Variants in DNAJC13 observed in about 807,000 individuals in gnomAD.
The protein encoded by DNAJC13 is dnaJ homolog subfamily C member 13.
A neutral mutation model predicts 290.5 loss-of-function variants in DNAJC13; 75 were observed. The observed-to-expected ratio is 0.26, with a 90% CI of 0.21 to 0.31. The LOEUF is 0.31. Among genes scored for constraint, DNAJC13 ranks in the 10% least tolerant of loss-of-function variants. DNAJC13 has a pLI of 1.00. For synonymous variants in DNAJC13, 862 were observed against 892.0 expected (o/e 0.97, Z 0.60); for missense variants, 2,260 against 2,674.5 (o/e 0.85, Z 3.42).
intron 27 of DNAJC13, among the ~76,000 whole-genome samples, chr3:132,482,870 A>G: frequency 6.7e-6 from 1 of 148,188 alleles, no homozygotes; most frequent in Non-Finnish European, 1.5e-5. Context: ...CCAAAAAAGA[A>G]AAAAAAAAAG....
chr3:132,453,085 G>A (rs531062067), intron 6 of DNAJC13, among the ~76,000 whole-genome samples: 7 of 152,132 alleles, frequency 4.6e-5, no homozygotes, highest in Admixed American at 6.5e-5. Context: ...GATAATTGCC[G>A]TTCAGTGAGT....
At chr3:132,504,928 G>A (rs1210274308) in intron 41 of DNAJC13, among the ~76,000 whole-genome samples, 1 of 152,080 alleles carries the variant, frequency 6.6e-6, no homozygotes, top group Non-Finnish European at 1.5e-5. Context: ...GTACATAAAG[G>A]TATTATGTTG....
chr3:132,466,223 A>G (rs762027469), intron 18 of DNAJC13, 76 bp from the exon 19 acceptor site: 52 of 1,480,390 alleles, frequency 3.5e-5, no homozygotes, highest in Non-Finnish European at 4.7e-5. Flanking sequence ...GCTAAGCCAC[A>G]GTATTAATTT....
At chr3:132,444,963 G>A (rs1206527722) in intron 2 of DNAJC13, among the ~76,000 whole-genome samples, 3 of 152,132 alleles carry the variant, frequency 2.0e-5, no homozygotes, top group Non-Finnish European at 4.4e-5. Flanking sequence ...ATATGGATAT[G>A]TGGTAAAGAT....
intron 36 of DNAJC13, among the ~76,000 whole-genome samples, chr3:132,497,427 A>G (rs909350394): frequency 3.9e-5 from 6 of 152,220 alleles, no homozygotes; most frequent in African/African-American, 1.4e-4. Context: ...GAGAGAAGGA[A>G]GAGGACTTTC....
chr3:132,535,202 A>C (rs1203075200), intron 55 of DNAJC13, among the ~76,000 whole-genome samples: 4 of 152,248 alleles, frequency 2.6e-5, no homozygotes, highest in Non-Finnish European at 4.4e-5. Context: ...AAGTAAGATA[A>C]AAATGACCAA....
chr3:132,504,981 C>T lies in DNAJC13; in HGVS notation c.4885-321C>T, dbSNP rs535531372. 2.6e-4 allele frequency among the ~76,000 whole-genome samples: 40 copies of T among 152,280 alleles called. No individual in the cohort carries two copies. In the South Asian group the frequency reaches 7.2e-3, roughly 28 times the overall value. ...ATAGTCACAGTGTGTTTATTAAGTA[C>T]TTTCAAAATATTGAATTTCACCATG... On this transcript the variant is annotated intron_variant, in intron 41 of 55. Transcript: ENST00000260818.
In DNAJC13 at chr3:132,482,274, G is replaced by A; in HGVS notation, c.2923G>A (p.Glu975Lys). 6.2e-7 allele frequency: 1 copy of A among 1,613,818 alleles called. No homozygotes were observed. Among genetic ancestry groups the A allele is most frequent in the Non-Finnish European group, 8.5e-7 (1 of 1,179,830 alleles). ...APDMKRESEK[E>K]WYFGNADKER... ...AGATATGAAAAGAGAGAGTGAAAAGGAATGGTATTTTGGCAACGCAGACAA... is the reference window on the plus strand; with the variant it reads ...AGATATGAAAAGAGAGAGTGAAAAGAAATGGTATTTTGGCAACGCAGACAA... The change falls in exon 27 of 56, where the codon GAA becomes AAA. Residue 975 changes from glutamate (E) to lysine (K), a missense_variant. Glu to Lys is a moderately conservative substitution (Grantham distance 56). This residue lies in a region of DNAJC13 where 1,494 missense variants were observed against 1,693.7 expected (regional missense o/e 0.88). Transcript: ENST00000260818.
chr3:132,454,015 ATAAAAC>A, intron 8 of DNAJC13, 45 bp from the exon 9 acceptor site: 4 of 1,367,166 alleles, frequency 2.9e-6, no homozygotes, highest in Non-Finnish European at 4.1e-6. Context: ...ATGAAATACT[ATAAAAC>A]TATAAACTTT....
chr3:132,422,949 A>T (rs184513142), intron 1 of DNAJC13, among the ~76,000 whole-genome samples: 5 of 152,202 alleles, frequency 3.3e-5, no homozygotes, highest in African/African-American at 1.2e-4. Flanking sequence ...TCTCTTTGCA[A>T]TGGATTAATA....
intron 33 of DNAJC13, 81 bp from the exon 34 acceptor site, chr3:132,494,063 C>A: frequency 1.0e-6 from 1 of 959,634 alleles, no homozygotes; most frequent in Non-Finnish European, 1.6e-6. Context: ...TAAATAAATA[C>A]AGCACAATAA....
In DNAJC13 at chr3:132,482,257, A is replaced by G; in HGVS notation, c.2906A>G (p.Lys969Arg). 1.9e-6 allele frequency: 3 copies of G among 1,613,752 alleles called. No homozygotes were observed. The highest frequency in any genetic ancestry group is 2.5e-6 in the Non-Finnish European group (3 of 1,179,748). Reference sequence around the variant, plus strand: ...GTAATTGAAGCTGCTCCAGATATGAAAAGAGAGAGTGAAAAGGAATGGTAT... The same window carrying G: ...GTAATTGAAGCTGCTCCAGATATGAGAAGAGAGAGTGAAAAGGAATGGTAT... ...SNVIEAAPDM[K>R]RESEKEWYFG... The change falls in exon 27 of 56, where the codon AAA becomes AGA. Residue 969 changes from lysine to arginine, a missense_variant. Around this residue, in one of 3 missense-constraint regions of DNAJC13, gnomAD observed 1,494 missense variants for 1,693.7 expected, o/e 0.88. Transcript: ENST00000260818.
Position 132,530,950 on chromosome 3 carries a change from C to T in DNAJC13, c.6526-48C>T, listed in dbSNP as rs752333679. ...GTTGGTTTTTCTTTTTGTCTTCCAA[C>T]ATCCAGTCCTTGATTTTATGTTCAA... On this transcript the variant is annotated intron_variant, in intron 54 of 55. Transcript: ENST00000260818. 6.5e-6 allele frequency: 10 copies of T among 1,538,470 alleles called. No homozygotes were observed. In the South Asian group the frequency reaches 1.1e-4, roughly 18 times the overall value.
In DNAJC13 at chr3:132,489,038, C is replaced by T; in HGVS notation, c.3468+17C>T. The stretch of plus-strand genomic sequence containing the variant: ...TCAGAAGAGGTAAGCCAGGTTAATC[C>T]TCTGAATACTTAACCCTGGGTAAGC... On this transcript the variant is annotated intron_variant, in intron 31 of 55. Transcript: ENST00000260818. 2 of 1,604,402 alleles carry T rather than the reference C, an allele frequency of 1.2e-6. No individual in the cohort carries two copies. Among genetic ancestry groups the T allele is most frequent in the South Asian group, 2.2e-5 (2 of 90,730 alleles).
At position 132,418,813 on chromosome 3, in the gene DNAJC13, A is replaced by G. The variant is rs1207734174; in HGVS notation, c.-14+1053A>G. 2.6e-5 allele frequency among the ~76,000 whole-genome samples: 4 copies of G among 152,156 alleles called. No homozygotes were observed. The South Asian group carries it at 6.2e-4, about 24-fold the overall frequency. ...CAGTTTATGGACTTGATAGGTTTCTAGGTTTGAAACTACTGCCTGCAGGGA... is the reference window on the plus strand; with the variant it reads ...CAGTTTATGGACTTGATAGGTTTCTGGGTTTGAAACTACTGCCTGCAGGGA... On this transcript the variant is annotated intron_variant, in intron 1 of 55. Transcript: ENST00000260818.
chr3:132,459,069 T>G (rs901817342), intron 13 of DNAJC13, among the ~76,000 whole-genome samples: 1 of 152,210 alleles, frequency 6.6e-6, no homozygotes, highest in African/African-American at 2.4e-5. Context: ...CATATATTAT[T>G]CAGTCTTCCA....
chr3:132,519,651 C>G (rs1936024947), intron 48 of DNAJC13, among the ~76,000 whole-genome samples: 1 of 151,824 alleles, frequency 6.6e-6, no homozygotes, highest in African/African-American at 2.4e-5. Context: ...TATGTCATAT[C>G]TAAGAAACCA....
chr3:132,460,900 A>C (rs1000095951), intron 14 of DNAJC13, 150 bp from the exon 15 acceptor site: 2 of 683,814 alleles, frequency 2.9e-6, no homozygotes, highest in African/African-American at 3.6e-5. Context: ...AGTACTAAAG[A>C]GTCATCCAAC....
At chr3:132,461,843 AC>A (rs1365438196) in intron 15 of DNAJC13, among the ~76,000 whole-genome samples, 1 of 152,024 alleles carries the variant, frequency 6.6e-6, no homozygotes, top group Non-Finnish European at 1.5e-5. Flanking sequence ...GGCACATGCT[AC>A]CAAACCCGGC....
Sources: gnomAD v4.1 joint callset for allele counts (sites outside exome capture counted in the v4.1 genomes callset) on GRCh38, gnomAD v4.1.1 for gene constraint, gnomAD v4.1.1 regional missense constraint, MANE v1.5 for transcripts, NCBI Gene and HGNC (gene_info 2026-07-23, HGNC 2026-07-21) for gene names.